The following WDR41 variants were observed in gnomAD, a reference collection of about 807,000 sequenced individuals.
WDR41 encodes WD repeat domain 41.
A neutral mutation model predicts 69.3 loss-of-function variants in WDR41; 63 were observed. The observed-to-expected ratio is 0.91, with a 90% CI of 0.74 to 1.12. WDR41 has a LOEUF of 1.12. Ranked by LOEUF, WDR41 falls within the 50% of genes most tolerant of loss-of-function variation. WDR41 has a pLI of 0.00. For missense variants in WDR41, 543 were observed against 534.5 expected, an observed-to-expected ratio of 1.02 and a Z score of -0.16; for synonymous variants, 185 against 192.1, an observed-to-expected ratio of 0.96 and a Z score of 0.31.
At chr5:77,471,854 G>C (rs1341587194) in intron 2 of WDR41, among the ~76,000 whole-genome samples, 5 of 152,172 alleles carry the variant, frequency 3.3e-5, no homozygotes, top group Non-Finnish European at 7.3e-5. Flanking sequence ...GAGGTACAAG[G>C]AGAAGCTGGT....
intron 1 of WDR41, among the ~76,000 whole-genome samples, chr5:77,544,367 G>T (rs1483959094): frequency 6.6e-6 from 1 of 152,042 alleles, no homozygotes; most frequent in East Asian, 1.9e-4. Flanking sequence ...CCACTTAAAA[G>T]ATACAGAATC....
chr5:77,470,145 T>C (rs1056016771), intron 2 of WDR41, among the ~76,000 whole-genome samples: 2 of 151,780 alleles, frequency 1.3e-5, no homozygotes, highest in African/African-American at 2.4e-5. Flanking sequence ...AAGAAAAGAA[T>C]TTTCAACCCA....
At chr5:77,555,079 C>A (rs1324641322) in intron 1 of WDR41, among the ~76,000 whole-genome samples, 1 of 148,942 alleles carries the variant, frequency 6.7e-6, no homozygotes, top group Non-Finnish European at 1.5e-5. Flanking sequence ...ACAACAAGAC[C>A]CTGTTTCAAA....
At chr5:77,453,776 G>A (rs948552769) in intron 6 of WDR41, 41 bp downstream of exon 6, 3 of 1,486,554 alleles carry the variant, frequency 2.0e-6, no homozygotes, top group Non-Finnish European at 1.9e-6. Flanking sequence ...GTGTCTTCTA[G>A]TCTGTCAATC....
At chr5:77,584,699 G>C (rs968167532) in intron 1 of WDR41, among the ~76,000 whole-genome samples, 1 of 152,052 alleles carries the variant, frequency 6.6e-6, no homozygotes, top group Non-Finnish European at 1.5e-5. Context: ...CTTCAAAAAA[G>C]CAAACAAAAC....
At chr5:77,449,922 A>C (rs750653038) in intron 7 of WDR41, 52 bp from the exon 8 acceptor site, 7 of 1,199,628 alleles carry the variant, frequency 5.8e-6, no homozygotes, top group African/African-American at 3.1e-5. Flanking sequence ...AGAGGATAAA[A>C]TACTACTCCT....
In WDR41 at chr5:77,432,071, T is replaced by TAA; in HGVS notation, c.*1062_*1063dup. 2.0e-5 allele frequency: 3 copies of TAA among 152,312 alleles called. No individual in the cohort carries two copies. Among genetic ancestry groups the TAA allele is most frequent in the Middle Eastern group, 6.8e-3 (2 of 294 alleles). The allele number at this position is 152,312 out of a possible 1,614,324, so 9.4% of individuals were successfully genotyped here. A position where few individuals can be genotyped will look rare whatever the true frequency, so the allele number is the denominator to read the frequency against. ...TAGTTGTGGAAGCAACTGTCAAAGC[T>TAA]AAAACTAGTAAAAGAACTTATGGAG... On this transcript the variant is annotated 3_prime_UTR_variant, in exon 13 of 13. Transcript: ENST00000296679.
At chr5:77,440,393 T>C (rs1207241536) in intron 9 of WDR41, among the ~76,000 whole-genome samples, 1 of 152,174 alleles carries the variant, frequency 6.6e-6, no homozygotes, top group African/African-American at 2.4e-5. Flanking sequence ...AATCCAACAA[T>C]TCTCACTCAA....
chr5:77,512,467 C>T (rs550224036), intron 1 of WDR41, among the ~76,000 whole-genome samples: 38 of 151,060 alleles, frequency 2.5e-4, no homozygotes, highest in African/African-American at 8.3e-4. Flanking sequence ...ATTCGTCAGG[C>T]GGGGCCGAGT....
chr5:77,516,552 T>C (rs989991723), intron 1 of WDR41, among the ~76,000 whole-genome samples: 1 of 150,494 alleles, frequency 6.6e-6, no homozygotes, highest in African/African-American at 2.5e-5. Context: ...CCGAGGTAAA[T>C]AGTCCAGGGC....
intron 1 of WDR41, among the ~76,000 whole-genome samples, chr5:77,550,971 G>T (rs1164147738): frequency 2.6e-5 from 4 of 152,074 alleles, no homozygotes; most frequent in African/African-American, 9.7e-5. Flanking sequence ...AAATACCACA[G>T]GTTCTCACTT....
chr5:77,473,631 A>G (rs1179475317), intron 2 of WDR41, among the ~76,000 whole-genome samples: 2 of 152,220 alleles, frequency 1.3e-5, no homozygotes, highest in African/African-American at 4.8e-5. Context: ...ACAAGTGGGT[A>G]AAGGATATGA....
intron 2 of WDR41, among the ~76,000 whole-genome samples, chr5:77,468,967 G>A (rs142359386): frequency 1.6e-3 from 245 of 151,802 alleles, no homozygotes; most frequent in African/African-American, 5.4e-3. Flanking sequence ...TCTTTTTGTT[G>A]AAAAAAGTTG....
chr5:77,439,515 C>T (rs1037554316), intron 9 of WDR41, among the ~76,000 whole-genome samples: 2 of 152,152 alleles, frequency 1.3e-5, no homozygotes, highest in Non-Finnish European at 2.9e-5. Flanking sequence ...CAAAATCCCC[C>T]GAAACTCATT....
intron 1 of WDR41, among the ~76,000 whole-genome samples, chr5:77,523,560 T>C (rs1802404244): frequency 6.6e-6 from 1 of 152,034 alleles, no homozygotes; most frequent in Non-Finnish European, 1.5e-5. Context: ...ACACCTATAG[T>C]GCCTCACACT....
chr5:77,565,861 A>C (rs1743617092), intron 1 of WDR41, among the ~76,000 whole-genome samples: 1 of 152,128 alleles, frequency 6.6e-6, no homozygotes, highest in East Asian at 1.9e-4. Context: ...AAGAACCAAA[A>C]ATTTGTTTTC....
intron 3 of WDR41, among the ~76,000 whole-genome samples, 199 bp from the exon 4 acceptor site, chr5:77,463,425 A>T (rs1193679747): frequency 6.6e-6 from 1 of 152,158 alleles, no homozygotes; most frequent in African/African-American, 2.4e-5. Context: ...TTTATTTTCT[A>T]AAACAAAATG....
At chr5:77,497,391 TCAA>T (rs920982353) in intron 1 of WDR41, among the ~76,000 whole-genome samples, 16 of 151,852 alleles carry the variant, frequency 1.1e-4, no homozygotes, top group South Asian at 4.1e-4. Flanking sequence ...CTCCTACAAC[TCAA>T]CAACAACAAC....
chr5:77,483,559 C>A (rs1801383425), intron 2 of WDR41, among the ~76,000 whole-genome samples: 1 of 151,422 alleles, frequency 6.6e-6, no homozygotes, highest in African/African-American at 2.4e-5. Context: ...TTCTTTTTCG[C>A]TCATTAACCT....
Sources: allele counts gnomAD v4.1 joint callset (sites outside exome capture counted in the v4.1 genomes callset), GRCh38; gene constraint gnomAD v4.1.1; transcripts MANE v1.5; gene names NCBI Gene and HGNC (gene_info 2026-07-23, HGNC 2026-07-21).